Variants in ANGPT1 observed in about 807,000 individuals in gnomAD.
ANGPT1 encodes angiopoietin 1.
In ANGPT1, 17 loss-of-function variants were observed where a neutral mutation model predicts 62.2. The observed-to-expected ratio is 0.27, with a 90% CI of 0.19 to 0.41. The LOEUF (loss-of-function observed/expected upper bound fraction) is 0.41, where lower values mean the gene tolerates loss of function less well. ANGPT1 is among the 10% of genes least tolerant of loss of function. ANGPT1 has a pLI of 1.00. For missense variants in ANGPT1, 478 were observed against 594.9 expected, an observed-to-expected ratio of 0.80 and a Z score of 2.04; for synonymous variants, 199 against 198.9, an observed-to-expected ratio of 1.00 and a Z score of 0.00.
At chr8:107,293,627 C>CGTA in intron 6 of ANGPT1, among the ~76,000 whole-genome samples, 1 of 152,266 alleles carries the variant, frequency 6.6e-6, no homozygotes, top group East Asian at 1.9e-4. Context: ...CTTGGTCAGG[C>CGTA]TCACGTATCC....
intron 1 of ANGPT1, among the ~76,000 whole-genome samples, chr8:107,386,162 A>G (rs1022752073): frequency 2.6e-5 from 4 of 152,082 alleles, no homozygotes; most frequent in Non-Finnish European, 5.9e-5. Context: ...CAAACACTAC[A>G]TGTTCTTACT....
intron 1 of ANGPT1, among the ~76,000 whole-genome samples, chr8:107,437,750 A>G (rs80097313): frequency 1.3e-5 from 2 of 152,280 alleles, no homozygotes; most frequent in East Asian, 1.9e-4. Flanking sequence ...GGAATCATAG[A>G]TGACAGCAGA....
At chr8:107,389,747 A>C (rs1816798692) in intron 1 of ANGPT1, among the ~76,000 whole-genome samples, 1 of 152,142 alleles carries the variant, frequency 6.6e-6, no homozygotes. Flanking sequence ...ATAATTAGGG[A>C]TATTTAGGGA....
At chr8:107,428,161 T>G (rs1385783349) in intron 1 of ANGPT1, among the ~76,000 whole-genome samples, 1 of 152,220 alleles carries the variant, frequency 6.6e-6, no homozygotes, top group African/African-American at 2.4e-5. Flanking sequence ...AGAAAGAATG[T>G]TTCTTCGCAA....
chr8:107,322,444 A>T (rs1458003180), intron 3 of ANGPT1, among the ~76,000 whole-genome samples: 1 of 152,192 alleles, frequency 6.6e-6, no homozygotes, highest in Non-Finnish European at 1.5e-5. Context: ...CACTCTAAAG[A>T]AGTTATAGTA....
At chr8:107,283,626 G>T (rs950471149) in intron 7 of ANGPT1, among the ~76,000 whole-genome samples, 1 of 152,150 alleles carries the variant, frequency 6.6e-6, no homozygotes, top group Non-Finnish European at 1.5e-5. Context: ...ACACGCAAGG[G>T]TTGGGTTGCT....
At chr8:107,330,482 G>A (rs1445838731) in intron 3 of ANGPT1, among the ~76,000 whole-genome samples, 2 of 152,214 alleles carry the variant, frequency 1.3e-5, no homozygotes, top group Admixed American at 6.5e-5. Flanking sequence ...ATCATGGACT[G>A]TATTGTGTGC....
intron 2 of ANGPT1, 52 bp from the exon 3 acceptor site, chr8:107,336,323 T>G: frequency 6.5e-7 from 1 of 1,541,100 alleles, no homozygotes; most frequent in Non-Finnish European, 8.7e-7. Flanking sequence ...ATCAAAGAAC[T>G]TTTTTAAGTT....
chr8:107,334,457 A>G (rs931602687), intron 3 of ANGPT1, among the ~76,000 whole-genome samples: 1 of 152,184 alleles, frequency 6.6e-6, no homozygotes, highest in Non-Finnish European at 1.5e-5. Context: ...TGTGAAAATG[A>G]TATTTATATA....
At chr8:107,361,231 C>A (rs2130203383) in intron 1 of ANGPT1, among the ~76,000 whole-genome samples, 1 of 151,820 alleles carries the variant, frequency 6.6e-6, no homozygotes, top group Admixed American at 6.6e-5. Context: ...CTAACAAAAT[C>A]CAATCAATAT....
At chr8:107,406,975 T>C in intron 1 of ANGPT1, among the ~76,000 whole-genome samples, 1 of 152,086 alleles carries the variant, frequency 6.6e-6, no homozygotes, top group East Asian at 1.9e-4. Flanking sequence ...CTGCAGTGTA[T>C]TGGTCTTTTG....
chr8:107,278,212 A>C (rs780216149), intron 7 of ANGPT1, among the ~76,000 whole-genome samples: 10 of 151,932 alleles, frequency 6.6e-5, no homozygotes, highest in Non-Finnish European at 1.2e-4. Context: ...AGTAGCTGGG[A>C]CAATGGGTGT....
At chr8:107,455,697 C>T (rs1008689842) in intron 1 of ANGPT1, among the ~76,000 whole-genome samples, 3 of 151,950 alleles carry the variant, frequency 2.0e-5, no homozygotes, top group Non-Finnish European at 2.9e-5. Context: ...GTGGGTAATG[C>T]TTGTGATTTT....
intron 4 of ANGPT1, among the ~76,000 whole-genome samples, chr8:107,303,993 T>C (rs1410421764): frequency 6.6e-6 from 1 of 151,880 alleles, no homozygotes; most frequent in Non-Finnish European, 1.5e-5. Context: ...TGACCCAACT[T>C]AACTACCTAC....
chr8:107,384,435 T>G (rs188106323), intron 1 of ANGPT1, among the ~76,000 whole-genome samples: 15 of 131,396 alleles, frequency 1.1e-4, no homozygotes, highest in Non-Finnish European at 2.3e-4. Context: ...GTATATGTAT[T>G]ATCTGTGTTA....
Position 107,264,206 on chromosome 8 carries a change from C to A in ANGPT1, c.1336+15G>T. On this transcript the variant is annotated intron_variant, in intron 8 of 8. Coordinates refer to ENST00000517746, the MANE Select transcript of ANGPT1 (RefSeq NM_001146.5). ...CAATGAAACATAGCTTAGAGAATGG[C>A]CCCATAGGACTTACCTCCTGTTAAC... 1 of 1,608,286 alleles carries A rather than the reference C, an allele frequency of 6.2e-7. No homozygotes were observed.
At chr8:107,301,665 G>A (rs1814591813) in intron 5 of ANGPT1, among the ~76,000 whole-genome samples, 1 of 151,852 alleles carries the variant, frequency 6.6e-6, no homozygotes, top group South Asian at 2.1e-4. Context: ...AGATGGCTGA[G>A]GTAGCAAAGT....
chr8:107,263,711 T>A lies in ANGPT1; in HGVS notation c.1336+510A>T, dbSNP rs1813550709. ...ATTTAATGGTATCTCCTATACTAGC[T>A]AAAATATCTTGCAATGATTAATATT... On this transcript the variant is annotated intron_variant, in intron 8 of 8. Coordinates refer to ENST00000517746, the MANE Select transcript of ANGPT1 (RefSeq NM_001146.5). Among the ~76,000 whole-genome samples the A allele has an allele frequency of 2.0e-5, 3 of 152,204 alleles. 1 individual carries two copies. The highest frequency in any genetic ancestry group is 2.0e-4 in the Admixed American group (3 of 15,276).
intron 1 of ANGPT1, among the ~76,000 whole-genome samples, chr8:107,448,184 C>T (rs1227190012): frequency 1.3e-5 from 2 of 152,180 alleles, no homozygotes; most frequent in Non-Finnish European, 2.9e-5. Flanking sequence ...AAGGTAATTA[C>T]ATATAAGGAC....
Sources: allele counts gnomAD v4.1 joint callset (sites outside exome capture counted in the v4.1 genomes callset), GRCh38; gene constraint gnomAD v4.1.1; transcripts MANE v1.5; gene names NCBI Gene and HGNC (gene_info 2026-07-23, HGNC 2026-07-21).